HOXB9: variants seen among roughly 807,000 people sequenced by gnomAD.
HOXB9 encodes homeobox protein Hox-B9.
HOXB9 carries 10 observed loss-of-function variants against 21.5 expected under a neutral mutation model. The ratio of observed to expected loss-of-function variants is 0.47; its 90% CI spans 0.29 to 0.79. The LOEUF is 0.79. Ranked by LOEUF, HOXB9 falls within the 30% of genes least tolerant of loss-of-function variation. The pLI is 0.10. For synonymous variants in HOXB9, 156 were observed against 151.2 expected, an observed-to-expected ratio of 1.03 and a Z score of -0.23; for missense variants, 375 against 338.7, an observed-to-expected ratio of 1.11 and a Z score of -0.84.
Position 48,623,115 on chromosome 17 carries a change from G to A in HOXB9, c.538C>T (p.Leu180=). 6.2e-7 allele frequency: 1 copy of A among 1,613,602 alleles called. No individual in the cohort carries two copies. Among genetic ancestry groups the A allele is most frequent in the Non-Finnish European group, 8.5e-7 (1 of 1,179,864 alleles). ...TTTTTCCGGGAAGAGCGAGCGTGCA[G>A]CCAGTTGGCGGAGGGGTTGGCTGAA... ...PDQTNPSANW[L]HARSSRKKRC... Residue 180 remains leucine, a synonymous_variant, in exon 2 of 2, where the codon CTG becomes TTG. Coordinates refer to ENST00000311177, the MANE Select transcript of HOXB9 (RefSeq NM_024017.5).
At chr17:48,623,226 T>A in intron 1 of HOXB9, 91 bp from the exon 2 acceptor site, 1 of 1,038,530 alleles carries the variant, frequency 9.6e-7, no homozygotes, top group Non-Finnish European at 1.4e-6. Flanking sequence ...ACTCCCCATC[T>A]TGCACTGGAG....
At chr17:48,624,281 AGCGC>A (rs746015164) in intron 1 of HOXB9, among the ~76,000 whole-genome samples, 1 of 152,204 alleles carries the variant, frequency 6.6e-6, no homozygotes, top group Non-Finnish European at 1.5e-5. Flanking sequence ...ACCAATTTGC[AGCGC>A]TATTTCCTTA....
intron 1 of HOXB9, among the ~76,000 whole-genome samples, chr17:48,624,753 T>C (rs769320656): frequency 6.6e-6 from 1 of 151,726 alleles, no homozygotes. Flanking sequence ...AAATAAATAA[T>C]AGGAGAACCC....
At position 48,626,035 on chromosome 17, in the gene HOXB9, G is replaced by T; in HGVS notation, c.235C>A (p.His79Asn). The T allele has an allele frequency of 6.3e-7, 1 of 1,578,272 alleles. No homozygotes were observed. The part of the protein sequence containing the change: ...HASGSLPSVY[H>N]PYIQPQGVPP... ...ACGCCCTGGGGCTGGATGTAAGGGT[G>T]GTAGACGGACGGCAGGCTCCCGGAC... The change falls in exon 1 of 2, where the codon CAC becomes AAC. Residue 79 changes from histidine to asparagine, a missense_variant. Coordinates refer to ENST00000311177, the MANE Select transcript of HOXB9 (RefSeq NM_024017.5).
At position 48,622,827 on chromosome 17, in the gene HOXB9, G is replaced by A; in HGVS notation, c.*73C>T. 8.9e-7 allele frequency: 1 copy of A among 1,121,628 alleles called. No homozygotes were observed. Among genetic ancestry groups the A allele is most frequent in the South Asian group, 1.4e-5 (1 of 73,410 alleles). The allele number at this position is 1,121,628 out of a possible 1,614,324, so 69.5% of individuals were successfully genotyped here. ...ACTTGAATACATCCCAGACAGCACT[G>A]GCTTTGCAGTCGTCACATAACTAAG... On this transcript the variant is annotated 3_prime_UTR_variant, in exon 2 of 2. Coordinates refer to ENST00000311177, the MANE Select transcript of HOXB9 (RefSeq NM_024017.5).
intron 1 of HOXB9, among the ~76,000 whole-genome samples, chr17:48,624,900 C>T (rs1014503465): frequency 1.3e-5 from 2 of 152,206 alleles, no homozygotes; most frequent in Non-Finnish European, 2.9e-5. Flanking sequence ...CTCTCTCTTC[C>T]CCCCACCCCT....
In HOXB9 at chr17:48,625,741, T is replaced by C. The variant is rs1373652497; in HGVS notation, c.517+12A>G. The C allele has an allele frequency of 1.3e-6, 2 of 1,543,400 alleles. No individual in the cohort carries two copies. The highest frequency in any genetic ancestry group is 1.3e-5 in the South Asian group (1 of 79,950). ...CTTCGGCCTGGGTATTTCCTCACTT[T>C]TTATAACTTACTTTGATCCGGCCTC... On this transcript the variant is annotated intron_variant, in intron 1 of 1. Transcript: ENST00000311177.
rs545608246 is a variant in HOXB9 at position 48,625,906 on chromosome 17, G to A, written c.364C>T (p.Leu122=). The change falls in exon 1 of 2, where the codon CTG becomes TTG. Residue 122 remains leucine, a synonymous_variant. Coordinates refer to ENST00000311177, the MANE Select transcript of HOXB9 (RefSeq NM_024017.5). ...GQAAVKAEPL[L]GAPGELLKQG... ...TTGAGCAGCTCCCCAGGCGCGCCCAGCAGCGGCTCCGCCTTCACCGCCGCC... is the reference window on the plus strand; with the variant it reads ...TTGAGCAGCTCCCCAGGCGCGCCCAACAGCGGCTCCGCCTTCACCGCCGCC... 18 of 1,591,978 alleles carry A rather than the reference G, an allele frequency of 1.1e-5. No individual in the cohort carries two copies. In the Admixed American group the frequency reaches 3.1e-4, roughly 28 times the overall value.
At chr17:48,625,649 A>C (rs2145011548) in intron 1 of HOXB9, 104 bp downstream of exon 1, 43 of 1,289,186 alleles carry the variant, frequency 3.3e-5, no homozygotes, top group South Asian at 2.1e-4. Context: ...CTCTCCGGCC[A>C]CCGCCGCAGT....
At position 48,626,104 on chromosome 17, in the gene HOXB9, CT is replaced by C. The variant is rs1235387939; in HGVS notation, c.165del (p.Ala56ArgfsTer11). 1.9e-6 allele frequency: 3 copies of C among 1,580,634 alleles called. No homozygotes were observed. The highest frequency in any genetic ancestry group is 2.6e-6 in the Non-Finnish European group (3 of 1,169,944). ...LEFPSCSFQP[K>X]APVFGASWAP... ...GCCCAGGAGGCGCCGAACACCGGCG[CT>C]TTGGGCTGGAAGCTGCACGAGGGGA... is the stretch of plus-strand genomic sequence containing the variant. On this transcript the variant is annotated frameshift_variant, in exon 1 of 2. Transcript: ENST00000311177. LOFTEE classifies it high-confidence loss of function.
rs754575366 is a variant in HOXB9, at chr17:48,625,968, G to C, written c.302C>G (p.Pro101Arg). ...CGGGGCCGCTTCGCCGCGCGGCGCC[G>C]GCTCCAGCCAGGTGCGGAGGTACCT... ...ESRYLRTWLEPAPRGEAAPGQ... is the reference protein window; with the variant it reads ...ESRYLRTWLERAPRGEAAPGQ... The change falls in exon 1 of 2, where the codon CCG (proline) becomes CGG (arginine). Residue 101 changes from proline to arginine, a missense_variant. Coordinates refer to ENST00000311177, the MANE Select transcript of HOXB9 (RefSeq NM_024017.5). The C allele has an allele frequency of 6.7e-7, 1 of 1,491,506 alleles. No homozygotes were observed. The highest frequency in any genetic ancestry group is 8.8e-7 in the Non-Finnish European group (1 of 1,131,798). The allele number at this position is 1,491,506 out of a possible 1,614,324, so 92.4% of individuals were successfully genotyped here. A position where few individuals can be genotyped will look rare whatever the true frequency, so the allele number is the denominator to read the frequency against.
chr17:48,622,838 C>T lies in HOXB9; in HGVS notation c.*62G>A, dbSNP rs1488816094. On this transcript the variant is annotated 3_prime_UTR_variant, in exon 2 of 2. Transcript: ENST00000311177. ...TCCCAGACAGCACTGGCTTTGCAGT[C>T]GTCACATAACTAAGAGTGAGATGGG... The T allele has an allele frequency of 1.8e-5, 23 of 1,258,708 alleles. No homozygotes were observed. Among genetic ancestry groups the T allele is most frequent in the Non-Finnish European group, 2.5e-5 (22 of 871,532 alleles). 78.0% of individuals were successfully genotyped at this position (1,258,708 alleles called of 1,614,324 possible).
chr17:48,623,143 A>G lies in HOXB9; in HGVS notation c.518-8T>C, dbSNP rs556307695. 9 of 1,608,802 alleles carry G rather than the reference A, an allele frequency of 5.6e-6. No individual in the cohort carries two copies. In the South Asian group the frequency reaches 9.9e-5, roughly 18 times the overall value. On this transcript the variant is annotated splice_polypyrimidine_tract_variant and splice_region_variant and intron_variant, in intron 1 of 1. Coordinates refer to ENST00000311177, the MANE Select transcript of HOXB9 (RefSeq NM_024017.5). ...AGTTGGCGGAGGGGTTGGCTGAAAGAGAAGCAGCGATAGAATCAAAGAAAG... is the reference window on the plus strand; with the variant it reads ...AGTTGGCGGAGGGGTTGGCTGAAAGGGAAGCAGCGATAGAATCAAAGAAAG...
intron 1 of HOXB9, among the ~76,000 whole-genome samples, chr17:48,623,677 A>T (rs1007584547): frequency 6.6e-6 from 1 of 152,184 alleles, no homozygotes; most frequent in African/African-American, 2.4e-5. Context: ...TCTCTAGACC[A>T]CATGGCAGCA....
intron 1 of HOXB9, among the ~76,000 whole-genome samples, chr17:48,625,544 A>T (rs942905168): frequency 1.4e-4 from 21 of 152,158 alleles, no homozygotes; most frequent in African/African-American, 5.1e-4. Context: ...AAGTGGGGGC[A>T]GCGCTCCTCT....
chr17:48,625,924 C>T lies in HOXB9; in HGVS notation c.346G>A (p.Val116Met), dbSNP rs773731907. ...GCGCCCAGCAGCGGCTCCGCCTTCA[C>T]CGCCGCCTGGCCCTGCCCCGGGGCC... is the stretch of plus-strand genomic sequence containing the variant. ...EAAPGQGQAA[V>M]KAEPLLGAPG... Residue 116 changes from valine (V) to methionine (M), a missense_variant, in exon 1 of 2, where the codon GTG (valine) becomes ATG (methionine). Coordinates refer to ENST00000311177, the MANE Select transcript of HOXB9 (RefSeq NM_024017.5). The T allele has an allele frequency of 1.9e-6, 3 of 1,576,340 alleles. No homozygotes were observed. The highest frequency in any genetic ancestry group is 2.6e-6 in the Non-Finnish European group (3 of 1,165,346).
rs749576404 is a variant in HOXB9, at chr17:48,621,480, A to G, written c.*1420T>C. On this transcript the variant is annotated 3_prime_UTR_variant, in exon 2 of 2. Coordinates refer to ENST00000311177, the MANE Select transcript of HOXB9 (RefSeq NM_024017.5). Reference sequence around the variant, plus strand: ...GAACGGAAGCAGAGAGTAAGCTTCCATCTGATGCTTAGGTGCCATTTTGCC... The same window carrying G: ...GAACGGAAGCAGAGAGTAAGCTTCCGTCTGATGCTTAGGTGCCATTTTGCC... 2 of 152,556 alleles carry G rather than the reference A, an allele frequency of 1.3e-5. No individual in the cohort carries two copies. Among genetic ancestry groups the G allele is most frequent in the African/African-American group, 4.8e-5 (2 of 41,582 alleles). 9.5% of individuals were successfully genotyped at this position (152,556 alleles called of 1,614,324 possible). A position where few individuals can be genotyped will look rare whatever the true frequency, so the allele number is the denominator to read the frequency against.
intron 1 of HOXB9, 82 bp from the exon 2 acceptor site, chr17:48,623,217 C>T (rs1366739383): frequency 5.4e-6 from 6 of 1,115,106 alleles, no homozygotes; most frequent in Non-Finnish European, 7.9e-6. Flanking sequence ...TTGGTCTCCA[C>T]TCCCCATCTT....
chr17:48,625,851 G>A lies in HOXB9; in HGVS notation c.419C>T (p.Thr140Ile). 6.2e-7 allele frequency: 1 copy of A among 1,612,088 alleles called. No individual in the cohort carries two copies. Among genetic ancestry groups the A allele is most frequent in the Non-Finnish European group, 8.5e-7 (1 of 1,179,360 alleles). ...CAGCACGGCCTCCCTGCCCGCCGAA[G>A]TTTCCAAACTGTACTCGGGCGTGCC... is the stretch of plus-strand genomic sequence containing the variant. ...KQGTPEYSLE[T>I]SAGREAVLSN... Residue 140 changes from threonine (T) to isoleucine (I), a missense_variant, in exon 1 of 2, where the codon ACT becomes ATT. Transcript: ENST00000311177.
Sources: allele counts gnomAD v4.1 joint callset (sites outside exome capture counted in the v4.1 genomes callset), GRCh38; gene constraint gnomAD v4.1.1; transcripts MANE v1.5; gene names NCBI Gene and HGNC (gene_info 2026-07-23, HGNC 2026-07-21).